Variants in SLC36A3 observed in about 807,000 individuals in gnomAD.
SLC36A3 encodes solute carrier family 36 member 3.
Under a neutral mutation model 44.3 loss-of-function variants are expected in SLC36A3, and 35 were observed. The ratio of observed to expected loss-of-function variants is 0.79; its 90% CI spans 0.60 to 1.05. The LOEUF (loss-of-function observed/expected upper bound fraction) is 1.05. Among genes scored for constraint, SLC36A3 ranks in the 50% least tolerant of loss-of-function variants. The pLI is 0.00. For synonymous variants in SLC36A3, 211 were observed against 227.6 expected (o/e 0.93, Z 0.66); for missense variants, 540 against 578.7 (o/e 0.93, Z 0.69).
intron 8 of SLC36A3, among the ~76,000 whole-genome samples, 161 bp from the exon 9 acceptor site, chr5:151,281,344 T>C (rs1754308136): frequency 6.6e-6 from 1 of 152,176 alleles, no homozygotes; most frequent in Admixed American, 6.5e-5. Flanking sequence ...CCAAGCATTT[T>C]GGATAAGGGT....
chr5:151,287,552 CT>C (rs34418238), intron 5 of SLC36A3, 88 bp from the exon 6 acceptor site: 1 of 1,274,082 alleles, frequency 7.8e-7, no homozygotes, highest in Non-Finnish European at 1.1e-6. Context: ...ATTAATGTAA[CT>C]TTTTAGTATA....
At chr5:151,284,004 A>G in intron 8 of SLC36A3, 40 bp downstream of exon 8, 1 of 1,568,858 alleles carries the variant, frequency 6.4e-7, no homozygotes, top group Non-Finnish European at 8.6e-7. Flanking sequence ...GAACAGTTCC[A>G]GTGTCTCTCC....
intron 3 of SLC36A3, among the ~76,000 whole-genome samples, chr5:151,295,055 A>C (rs923729748): frequency 6.2e-5 from 9 of 144,482 alleles, no homozygotes; most frequent in African/African-American, 2.4e-4. Context: ...AATAAAAGAC[A>C]AGTCATCAGA....
chr5:151,298,815 G>A (rs1755050732), intron 1 of SLC36A3, 132 bp from the exon 2 acceptor site: 1 of 752,892 alleles, frequency 1.3e-6, no homozygotes, highest in Admixed American at 2.2e-5. Flanking sequence ...GGTGGACTTG[G>A]AGACAACTCT....
At chr5:151,281,514 T>C (rs961509672) in intron 8 of SLC36A3, among the ~76,000 whole-genome samples, 18 of 152,108 alleles carry the variant, frequency 1.2e-4, no homozygotes. Context: ...GCCTCTTCTT[T>C]TTTAATTTTT....
intron 9 of SLC36A3, among the ~76,000 whole-genome samples, chr5:151,279,867 C>G (rs1247399859): frequency 6.6e-6 from 1 of 152,168 alleles, no homozygotes; most frequent in African/African-American, 2.4e-5. Context: ...ACTCCTGGAG[C>G]CTTGAAGACT....
In SLC36A3 at chr5:151,284,698, G is replaced by C; in HGVS notation, c.722C>G (p.Pro241Arg). 6.2e-7 allele frequency: 1 copy of C among 1,612,450 alleles called. No individual in the cohort carries two copies. The highest frequency in any genetic ancestry group is 1.7e-5 in the Admixed American group (1 of 59,922). ...GTTTGCCATCAAGGGTAGGTTGCTG[G>C]GATATGGAATCCCCTAAAAGAAAGT... ...FEYIMEGIPY[P>R]SNLPLMANWK... The change falls in exon 7 of 10, where the codon CCC becomes CGC. Residue 241 changes from proline (P) to arginine (R), a missense_variant. Coordinates refer to ENST00000335230, the MANE Select transcript of SLC36A3 (RefSeq NM_181774.4).
chr5:151,287,389 T>C lies in SLC36A3; in HGVS notation c.565A>G (p.Ile189Val), dbSNP rs1754578284. 2.5e-6 allele frequency: 4 copies of C among 1,614,028 alleles called. No homozygotes were observed. The South Asian group carries it at 3.3e-5, about 13-fold the overall frequency. ...AGGATTATCAGCATGTAGAAACGAA[T>C]GTCCAGGATGGGGGTCAGCGTCAGA... Reference protein sequence around the residue: ...EILTLTPILDIRFYMLIILPF... With the variant: ...EILTLTPILDVRFYMLIILPF... Residue 189 changes from isoleucine (I) to valine (V), a missense_variant, in exon 6 of 10, where the codon ATT becomes GTT. Transcript: ENST00000335230.
At chr5:151,293,536 T>C in intron 3 of SLC36A3, 77 bp from the exon 4 acceptor site, 1 of 1,193,160 alleles carries the variant, frequency 8.4e-7, no homozygotes, top group Non-Finnish European at 1.2e-6. Flanking sequence ...AGTGAGTGAT[T>C]TTTATGTATT....
chr5:151,299,262 C>A (rs890579427), intron 1 of SLC36A3, among the ~76,000 whole-genome samples: 14,719 of 61,470 alleles, frequency 0.24, 1,105 homozygotes, highest in East Asian at 0.42. Flanking sequence ...CTCTCTCTCT[C>A]TCTATATATA....
chr5:151,293,736 C>A (rs1171895815), intron 3 of SLC36A3, among the ~76,000 whole-genome samples: 1 of 152,068 alleles, frequency 6.6e-6, no homozygotes, highest in Non-Finnish European at 1.5e-5. Context: ...ATCTGCAAAG[C>A]AGGAAAGGGG....
intron 3 of SLC36A3, among the ~76,000 whole-genome samples, chr5:151,294,109 T>A (rs546309944): frequency 6.6e-5 from 10 of 152,206 alleles, no homozygotes; most frequent in Non-Finnish European, 1.0e-4. Context: ...GGCTCCAGCC[T>A]TCTTCAGATA....
chr5:151,284,778 G>A (rs1028635229), intron 6 of SLC36A3, 67 bp from the exon 7 acceptor site: 22 of 1,282,090 alleles, frequency 1.7e-5, no homozygotes, highest in Non-Finnish European at 2.3e-5. Flanking sequence ...ATCTTTGCCT[G>A]GTAGAAAGCT....
At chr5:151,281,852 A>G (rs1356343926) in intron 8 of SLC36A3, among the ~76,000 whole-genome samples, 1 of 152,128 alleles carries the variant, frequency 6.6e-6, no homozygotes, top group Non-Finnish European at 1.5e-5. Flanking sequence ...CAATATATGC[A>G]TAGAGTAAAA....
intron 1 of SLC36A3, among the ~76,000 whole-genome samples, chr5:151,302,920 T>C (rs898832699): frequency 2.0e-5 from 3 of 151,636 alleles, no homozygotes; most frequent in African/African-American, 2.4e-5. Flanking sequence ...AGCCAGAGAC[T>C]GTGGAAGAAA....
At chr5:151,287,709 C>G (rs1205762554) in intron 5 of SLC36A3, among the ~76,000 whole-genome samples, 2 of 152,132 alleles carry the variant, frequency 1.3e-5, no homozygotes, top group South Asian at 4.1e-4. Context: ...AACCAGAAAC[C>G]CTTAGAATCA....
intron 6 of SLC36A3, among the ~76,000 whole-genome samples, chr5:151,285,296 T>G (rs1283695728): frequency 6.6e-6 from 1 of 152,232 alleles, no homozygotes; most frequent in Non-Finnish European, 1.5e-5. Context: ...CATCACTTAC[T>G]TGGACTCTTG....
At chr5:151,301,969 T>C (rs1269789259) in intron 1 of SLC36A3, among the ~76,000 whole-genome samples, 1 of 152,268 alleles carries the variant, frequency 6.6e-6, no homozygotes, top group East Asian at 1.9e-4. Flanking sequence ...TATTTATTTA[T>C]ATTTCATTAT....
At position 151,298,867 on chromosome 5, in the gene SLC36A3, G is replaced by A. The variant is rs1755053770; in HGVS notation, c.129-184C>T. ...TCCTGGAACATCTGATCTGGGGATGGTGCTAGTTCAAGTGACTCAACAAAT... is the reference window on the plus strand; with the variant it reads ...TCCTGGAACATCTGATCTGGGGATGATGCTAGTTCAAGTGACTCAACAAAT... On this transcript the variant is annotated intron_variant, in intron 1 of 9. Transcript: ENST00000335230. 2.0e-5 allele frequency among the ~76,000 whole-genome samples: 3 copies of A among 152,134 alleles called. No individual in the cohort carries two copies. The South Asian group carries it at 6.2e-4, about 32-fold the overall frequency.
Sources: gnomAD v4.1 joint callset for allele counts (sites outside exome capture counted in the v4.1 genomes callset) on GRCh38, gnomAD v4.1.1 for gene constraint, MANE v1.5 for transcripts, NCBI Gene and HGNC (gene_info 2026-07-23, HGNC 2026-07-21) for gene names.